SEPTIN11: variants seen among roughly 807,000 people sequenced by gnomAD.
SEPTIN11 encodes septin 11, also known as septin-11.
Under a neutral mutation model 51.4 loss-of-function variants are expected in SEPTIN11, and 25 were observed. The ratio of observed to expected loss-of-function variants is 0.49; its 90% CI spans 0.35 to 0.68. SEPTIN11 has a LOEUF of 0.68. SEPTIN11 is among the 30% of genes least tolerant of loss of function. The pLI, the probability that SEPTIN11 is intolerant of heterozygous loss-of-function variation, is 0.00. For synonymous variants in SEPTIN11, 174 were observed against 184.1 expected (o/e 0.95, Z 0.44); for missense variants, 381 against 520.8 (o/e 0.73, Z 2.61).
At position 76,996,551 on chromosome 4, in the gene SEPTIN11, A is replaced by T; in HGVS notation, c.142+12A>T. ...CATCCTTTGTGTTGGTAAGTTATTC[A>T]TCACCCCACAGCAAGAAATTTGATC... On this transcript the variant is annotated intron_variant, in intron 2 of 9. Coordinates refer to ENST00000264893, the MANE Select transcript of SEPTIN11 (RefSeq NM_018243.4). The T allele has an allele frequency of 6.4e-7, 1 of 1,567,386 alleles. No homozygotes were observed. The highest frequency in any genetic ancestry group is 8.8e-7 in the Non-Finnish European group (1 of 1,137,368).
At chr4:77,019,447 A>G (rs1402346901) in intron 6 of SEPTIN11, among the ~76,000 whole-genome samples, 186 bp downstream of exon 6, 1 of 152,226 alleles carries the variant, frequency 6.6e-6, no homozygotes, top group African/African-American at 2.4e-5. Flanking sequence ...AGCTAGGTAG[A>G]CAATGGAGAG....
At chr4:76,970,097 T>C (rs1722180161) in intron 1 of SEPTIN11, among the ~76,000 whole-genome samples, 2 of 152,188 alleles carry the variant, frequency 1.3e-5, no homozygotes, top group South Asian at 4.1e-4. Flanking sequence ...TTAGGCTACC[T>C]GCTGGGCCCT....
At position 77,016,601 on chromosome 4, in the gene SEPTIN11, T is replaced by C. The variant is rs1457961554; in HGVS notation, c.687+1584T>C. Among the ~76,000 whole-genome samples, 42 of 54,146 alleles carry C rather than the reference T, an allele frequency of 7.8e-4. 1 individual carries two copies. The East Asian group carries it at 8.6e-3, about 11-fold the overall frequency. 35.5% of individuals were successfully genotyped at this position (54,146 alleles called of 152,430 possible). A position where few individuals can be genotyped will look rare whatever the true frequency, so the allele number is the denominator to read the frequency against. The stretch of plus-strand genomic sequence containing the variant: ...TATATAGCATATATATACACACACA[T>C]ATATATATATACACATATATATATA... On this transcript the variant is annotated intron_variant, in intron 5 of 9. Transcript: ENST00000264893.
intron 9 of SEPTIN11, among the ~76,000 whole-genome samples, chr4:77,032,892 G>A (rs1308750225): frequency 6.6e-6 from 1 of 151,426 alleles, no homozygotes; most frequent in Non-Finnish European, 1.5e-5. Flanking sequence ...GAACATGTTA[G>A]GTTATTTTCT....
intron 1 of SEPTIN11, among the ~76,000 whole-genome samples, chr4:76,958,407 C>T (rs915239700): frequency 9.9e-5 from 15 of 152,200 alleles, no homozygotes; most frequent in Non-Finnish European, 4.4e-5. Flanking sequence ...GATTACTCTA[C>T]AGTCCCCTTA....
Position 77,037,320 on chromosome 4 carries a change from C to A in SEPTIN11, c.*2808C>A. 1.1e-6 allele frequency: 1 copy of A among 917,192 alleles called. No homozygotes were observed. Among genetic ancestry groups the A allele is most frequent in the Non-Finnish European group, 1.3e-6 (1 of 767,732 alleles). 56.8% of individuals were successfully genotyped at this position (917,192 alleles called of 1,614,324 possible). ...GAGGTTGCAGTGAGCCAAGATTGCACCACTGCATTCCAACCTGGGTGATGA... is the reference window on the plus strand; with the variant it reads ...GAGGTTGCAGTGAGCCAAGATTGCAACACTGCATTCCAACCTGGGTGATGA... On this transcript the variant is annotated 3_prime_UTR_variant, in exon 10 of 10. Transcript: ENST00000264893.
chr4:76,991,827 A>G (rs1490434274), intron 1 of SEPTIN11, among the ~76,000 whole-genome samples: 2 of 152,232 alleles, frequency 1.3e-5, no homozygotes, highest in African/African-American at 4.8e-5. Context: ...GTGTTCTTCA[A>G]TGAATTATAA....
Position 76,976,353 on chromosome 4 carries a change from G to A in SEPTIN11, c.28-20072G>A, listed in dbSNP as rs192325562. On this transcript the variant is annotated intron_variant, in intron 1 of 9. Transcript: ENST00000264893. ...TGTTAACATAAGATCCAAGGCTTGT[G>A]ATTCCCTAATTGCTGCATGAATACA... Among the ~76,000 whole-genome samples the A allele has an allele frequency of 2.1e-3, 325 of 152,174 alleles. 1 individual carries two copies. The highest frequency in any genetic ancestry group is 3.8e-3 in the Non-Finnish European group (261 of 68,008).
chr4:77,027,355 C>T (rs1256377085), intron 7 of SEPTIN11, among the ~76,000 whole-genome samples: 3 of 152,228 alleles, frequency 2.0e-5, no homozygotes, highest in East Asian at 1.9e-4. Flanking sequence ...AGGCTGGTCT[C>T]GAACTCTTGA....
At chr4:76,995,780 G>GTC (rs1429302471) in intron 1 of SEPTIN11, 291 of 1,517,982 alleles carry the variant, frequency 1.9e-4, no homozygotes, top group Non-Finnish European at 2.4e-4. Context: ...CCTTACCCTA[G>GTC]TCTACATCGG....
chr4:77,000,492 C>A (rs183031106), intron 2 of SEPTIN11, among the ~76,000 whole-genome samples: 1 of 152,184 alleles, frequency 6.6e-6, no homozygotes, highest in African/African-American at 2.4e-5. Flanking sequence ...TGAAGTATTA[C>A]ATTTTTCTCT....
chr4:76,960,692 T>C (rs1721792694), intron 1 of SEPTIN11, among the ~76,000 whole-genome samples: 1 of 152,240 alleles, frequency 6.6e-6, no homozygotes, highest in Non-Finnish European at 1.5e-5. Flanking sequence ...GAAAAACTTA[T>C]GCTTTTATTC....
rs1320965527 is a variant in SEPTIN11, at chr4:76,995,871, C to T, written c.28-554C>T. 6 of 1,535,610 alleles carry T rather than the reference C, an allele frequency of 3.9e-6. No individual in the cohort carries two copies. In the Admixed American group the frequency reaches 5.9e-5, roughly 15 times the overall value. On this transcript the variant is annotated intron_variant, in intron 1 of 9. Coordinates refer to ENST00000264893, the MANE Select transcript of SEPTIN11 (RefSeq NM_018243.4). ...AGAGGGGGAAGAAGACTCAAGAAAC[C>T]TGTAAAACTAATGGAGGAGAGGAAA...
At chr4:76,987,261 A>G (rs1385251138) in intron 1 of SEPTIN11, among the ~76,000 whole-genome samples, 1 of 152,060 alleles carries the variant, frequency 6.6e-6, no homozygotes, top group Non-Finnish European at 1.5e-5. Context: ...TTCTCTTAAC[A>G]GTTCCTCACT....
In SEPTIN11 at chr4:77,014,897, C is replaced by T. The variant is rs536615785; in HGVS notation, c.567C>T (p.Ala189=). ...TAATTGCAAAAGCTGACACCATTGC[C>T]AAGAATGAACTGCACAAATTCAAGA... is the stretch of plus-strand genomic sequence containing the variant. ...IPIIAKADTI[A]KNELHKFKSK... Residue 189 remains alanine, a synonymous_variant, in exon 5 of 10, where the codon GCC becomes GCT. Coordinates refer to ENST00000264893, the MANE Select transcript of SEPTIN11 (RefSeq NM_018243.4). 1 of 1,614,056 alleles carries T rather than the reference C, an allele frequency of 6.2e-7. No homozygotes were observed. Among genetic ancestry groups the T allele is most frequent in the African/African-American group, 1.3e-5 (1 of 75,028 alleles).
intron 5 of SEPTIN11, among the ~76,000 whole-genome samples, chr4:77,017,798 G>A (rs1725404808): frequency 1.3e-5 from 2 of 152,194 alleles, no homozygotes; most frequent in Non-Finnish European, 2.9e-5. Flanking sequence ...ATAGAAAAAA[G>A]ATAGGATTAT....
At chr4:76,958,074 A>G (rs1721640803) in intron 1 of SEPTIN11, among the ~76,000 whole-genome samples, 1 of 152,190 alleles carries the variant, frequency 6.6e-6, no homozygotes, top group African/African-American at 2.4e-5. Flanking sequence ...CCCCCCACCA[A>G]TAAACATTTG....
intron 5 of SEPTIN11, among the ~76,000 whole-genome samples, chr4:77,016,817 T>A (rs978719309): frequency 7.9e-5 from 12 of 151,178 alleles, no homozygotes; most frequent in Non-Finnish European, 1.5e-4. Flanking sequence ...AAAATTTTTT[T>A]AAATAGAGTA....
intron 4 of SEPTIN11, among the ~76,000 whole-genome samples, chr4:77,013,041 A>G (rs1407336068): frequency 6.6e-6 from 1 of 152,236 alleles, no homozygotes; most frequent in African/African-American, 2.4e-5. Context: ...CCTTGGAAGC[A>G]GGGGCAGACC....
Sources: allele counts gnomAD v4.1 joint callset (sites outside exome capture counted in the v4.1 genomes callset), GRCh38; gene constraint gnomAD v4.1.1; transcripts MANE v1.5; gene names NCBI Gene and HGNC (gene_info 2026-07-23, HGNC 2026-07-21).